The following SLC4A10 variants were observed in gnomAD, a reference collection of about 807,000 sequenced individuals.
SLC4A10 encodes the protein sodium-driven chloride bicarbonate exchanger.
In SLC4A10, 42 loss-of-function variants were observed where a neutral mutation model predicts 137.7. The observed-to-expected ratio is 0.30, with a 90% CI of 0.24 to 0.39. The LOEUF (loss-of-function observed/expected upper bound fraction) is 0.39, where lower values mean the gene tolerates loss of function less well. Ranked by LOEUF, SLC4A10 falls within the 10% of genes least tolerant of loss-of-function variation. The pLI is 1.00. For missense variants in SLC4A10, 925 were observed against 1,355.0 expected (o/e 0.68, Z 4.98); for synonymous variants, 474 against 464.1 (o/e 1.02, Z -0.27).
intron 15 of SLC4A10, among the ~76,000 whole-genome samples, chr2:161,927,212 T>C (rs921143366): frequency 3.9e-5 from 6 of 152,222 alleles, no homozygotes; most frequent in African/African-American, 1.4e-4. Flanking sequence ...GACGTAGATT[T>C]GTTCTTTTCA....
chr2:161,894,616 T>A, intron 10 of SLC4A10, 63 bp from the exon 11 acceptor site: 1 of 919,306 alleles, frequency 1.1e-6, no homozygotes. Flanking sequence ...TTGAAAACAC[T>A]GAACACATTA....
chr2:161,849,829 C>T (rs1204082896), intron 4 of SLC4A10, among the ~76,000 whole-genome samples: 1 of 151,974 alleles, frequency 6.6e-6, no homozygotes, highest in Admixed American at 6.6e-5. Flanking sequence ...ATTTTTGCAT[C>T]TATGTTTATC....
chr2:161,982,733 C>T (rs1352234475), intron 26 of SLC4A10, among the ~76,000 whole-genome samples: 1 of 152,120 alleles, frequency 6.6e-6, no homozygotes, highest in African/African-American at 2.4e-5. Context: ...AGGTCAGGAT[C>T]CAGTCCATGC....
At chr2:161,680,550 CG>C (rs1375222344) in intron 1 of SLC4A10, among the ~76,000 whole-genome samples, 1 of 151,294 alleles carries the variant, frequency 6.6e-6, no homozygotes, top group African/African-American at 2.4e-5. Context: ...GGTCAGATTA[CG>C]GAGGACCTTG....
chr2:161,638,740 T>C (rs912469395), intron 1 of SLC4A10, among the ~76,000 whole-genome samples: 2 of 152,060 alleles, frequency 1.3e-5, no homozygotes, highest in Non-Finnish European at 1.5e-5. Context: ...ATATTAATTC[T>C]TCCAAATCAT....
chr2:161,895,580 T>G (rs2063389174), intron 11 of SLC4A10, among the ~76,000 whole-genome samples: 1 of 152,164 alleles, frequency 6.6e-6, no homozygotes, highest in African/African-American at 2.4e-5. Context: ...ACCTGTTGTT[T>G]CCTGACTTTT....
At chr2:161,676,812 A>C (rs906396357) in intron 1 of SLC4A10, among the ~76,000 whole-genome samples, 16 of 152,088 alleles carry the variant, frequency 1.1e-4, no homozygotes, top group South Asian at 6.2e-4. Context: ...CAGGGCTGCC[A>C]TGCTCTGCAC....
At chr2:161,818,612 G>GT (rs2057333427) in intron 3 of SLC4A10, among the ~76,000 whole-genome samples, 1 of 152,086 alleles carries the variant, frequency 6.6e-6, no homozygotes, top group South Asian at 2.1e-4. Flanking sequence ...TTGGCTGTGG[G>GT]TTTGTCATAG....
At chr2:161,921,592 G>C (rs952994540) in intron 15 of SLC4A10, among the ~76,000 whole-genome samples, 1 of 152,186 alleles carries the variant, frequency 6.6e-6, no homozygotes, top group African/African-American at 2.4e-5. Flanking sequence ...AGTAATTGTG[G>C]AACAGTGTCT....
intron 4 of SLC4A10, among the ~76,000 whole-genome samples, chr2:161,843,037 A>G (rs73971390): frequency 0.032 from 4,804 of 152,240 alleles, 243 homozygotes; most frequent in African/African-American, 0.1. Context: ...TTGTTGAAGC[A>G]TTTATTTTAG....
chr2:161,794,928 G>A (rs1483658276), intron 2 of SLC4A10, among the ~76,000 whole-genome samples: 1 of 151,834 alleles, frequency 6.6e-6, no homozygotes, highest in East Asian at 1.9e-4. Context: ...ATCTACCGTA[G>A]AGTGTAAGCC....
At chr2:161,823,588 A>G (rs1297780488) in intron 3 of SLC4A10, among the ~76,000 whole-genome samples, 1 of 152,226 alleles carries the variant, frequency 6.6e-6, no homozygotes, top group African/African-American at 2.4e-5. Context: ...AAAAGTCATA[A>G]CATTACAAGA....
intron 1 of SLC4A10, among the ~76,000 whole-genome samples, chr2:161,642,339 C>A (rs1574053928): frequency 6.6e-6 from 1 of 151,778 alleles, no homozygotes; most frequent in East Asian, 1.9e-4. Flanking sequence ...ACATTTTTTT[C>A]TGTTGTTTTT....
intron 1 of SLC4A10, chr2:161,708,972 G>A: frequency 1.0e-6 from 1 of 973,826 alleles, no homozygotes; most frequent in Non-Finnish European, 1.5e-6. Context: ...AAGATTTATG[G>A]CAGCTAAACA....
At chr2:161,777,916 T>C (rs2052559867) in intron 2 of SLC4A10, among the ~76,000 whole-genome samples, 1 of 152,006 alleles carries the variant, frequency 6.6e-6, no homozygotes, top group Admixed American at 6.6e-5. Flanking sequence ...TGGTATAGGA[T>C]GCCAACAGTT....
At chr2:161,808,151 A>ATTAGTTC (rs1428089310) in intron 3 of SLC4A10, among the ~76,000 whole-genome samples, 2 of 152,078 alleles carry the variant, frequency 1.3e-5, no homozygotes, top group Non-Finnish European at 2.9e-5. Context: ...AATGTATATT[A>ATTAGTTC]TTAGTTCTTT....
chr2:161,807,824 CTT>C (rs147200123), intron 3 of SLC4A10, among the ~76,000 whole-genome samples: 8,297 of 152,018 alleles, frequency 0.055, 639 homozygotes, highest in African/African-American at 0.18. Flanking sequence ...TCGAATTAAA[CTT>C]AGTCTATATT....
chr2:161,700,619 T>A (rs899626571), intron 1 of SLC4A10, among the ~76,000 whole-genome samples: 15 of 152,086 alleles, frequency 9.9e-5, no homozygotes, highest in African/African-American at 3.6e-4. Flanking sequence ...CTGTCTTCTT[T>A]AACCTTCAAA....
chr2:161,923,428 G>A (rs958634152), intron 15 of SLC4A10, among the ~76,000 whole-genome samples: 3 of 152,222 alleles, frequency 2.0e-5, no homozygotes, highest in Middle Eastern at 3.4e-3. Flanking sequence ...TAACCAAAAT[G>A]AGATACCTAA....
Sources: gnomAD v4.1 joint callset for allele counts (sites outside exome capture counted in the v4.1 genomes callset) on GRCh38, gnomAD v4.1.1 for gene constraint, MANE v1.5 for transcripts, NCBI Gene and HGNC (gene_info 2026-07-23, HGNC 2026-07-21) for gene names.